Variants in SDCCAG8 observed in about 807,000 individuals in gnomAD.
SDCCAG8 encodes SHH signaling and ciliogenesis regulator SDCCAG8.
SDCCAG8 carries 74 observed loss-of-function variants against 101.8 expected under a neutral mutation model. That is an observed-to-expected ratio of 0.73 (90% CI 0.60 to 0.88). SDCCAG8 has a LOEUF of 0.88. Ranked by LOEUF, SDCCAG8 falls within the 40% of genes least tolerant of loss-of-function variation. SDCCAG8 has a pLI of 0.00. For missense variants in SDCCAG8, 787 were observed against 822.6 expected, an observed-to-expected ratio of 0.96 and a Z score of 0.53; for synonymous variants, 281 against 292.9, an observed-to-expected ratio of 0.96 and a Z score of 0.41.
intron 13 of SDCCAG8, among the ~76,000 whole-genome samples, chr1:243,382,462 A>G (rs2078018670): frequency 6.6e-6 from 1 of 152,250 alleles, no homozygotes; most frequent in African/African-American, 2.4e-5. Flanking sequence ...TAAAGATTAT[A>G]CATCTATAAA....
chr1:243,358,356 A>G (rs1276295201), intron 12 of SDCCAG8, among the ~76,000 whole-genome samples: 1 of 152,188 alleles, frequency 6.6e-6, no homozygotes, highest in Non-Finnish European at 1.5e-5. Context: ...ACATGTGAAA[A>G]GATGCTCAAC....
chr1:243,460,468 G>A (rs925228881), intron 16 of SDCCAG8, among the ~76,000 whole-genome samples: 6 of 152,140 alleles, frequency 3.9e-5, no homozygotes, highest in South Asian at 2.1e-4. Flanking sequence ...TGATCACCAC[G>A]CCAGTCATGT....
chr1:243,449,063 T>C (rs571523981), intron 16 of SDCCAG8, among the ~76,000 whole-genome samples: 1 of 152,336 alleles, frequency 6.6e-6, no homozygotes, highest in East Asian at 1.9e-4. Context: ...AAATCTATAG[T>C]TTTATTGTAT....
Position 243,473,476 on chromosome 1 carries a change from C to T in SDCCAG8, c.1986-15538C>T, listed in dbSNP as rs190078719. On this transcript the variant is annotated intron_variant, in intron 16 of 17. Coordinates refer to ENST00000366541, the MANE Select transcript of SDCCAG8 (RefSeq NM_006642.5). ...TTTTAATTCTGAGCTGCATGCCCAGCGCCACATGCACTGTCTGTTACATGT... is the reference window on the plus strand; with the variant it reads ...TTTTAATTCTGAGCTGCATGCCCAGTGCCACATGCACTGTCTGTTACATGT... Among the ~76,000 whole-genome samples the T allele has an allele frequency of 6.6e-5, 10 of 152,286 alleles. No homozygotes were observed. In the East Asian group the frequency reaches 1.5e-3, roughly 23 times the overall value.
chr1:243,376,243 C>A (rs1209519036), intron 12 of SDCCAG8, among the ~76,000 whole-genome samples: 1 of 152,142 alleles, frequency 6.6e-6, no homozygotes, highest in Non-Finnish European at 1.5e-5. Flanking sequence ...TTACTATGTG[C>A]TAGGCACTCT....
At chr1:243,467,298 G>A (rs933669600) in intron 16 of SDCCAG8, among the ~76,000 whole-genome samples, 1 of 152,222 alleles carries the variant, frequency 6.6e-6, no homozygotes, top group African/African-American at 2.4e-5. Flanking sequence ...GAAATCAGGA[G>A]TGTGGAAGCT....
intron 16 of SDCCAG8, among the ~76,000 whole-genome samples, chr1:243,432,208 A>T (rs952534289): frequency 1.3e-5 from 2 of 152,242 alleles, no homozygotes; most frequent in Admixed American, 1.3e-4. Context: ...CTCATAATTT[A>T]AAAACAAAAA....
At position 243,468,560 on chromosome 1, in the gene SDCCAG8, A is replaced by G. The variant is rs564058818; in HGVS notation, c.1986-20454A>G. Among the ~76,000 whole-genome samples, 761 of 152,306 alleles carry G rather than the reference A, an allele frequency of 5.0e-3. 6 individuals are homozygous for G. The highest frequency in any genetic ancestry group is 8.4e-3 in the Non-Finnish European group (568 of 68,020). On this transcript the variant is annotated intron_variant, in intron 16 of 17. Coordinates refer to ENST00000366541, the MANE Select transcript of SDCCAG8 (RefSeq NM_006642.5). The stretch of plus-strand genomic sequence containing the variant: ...AATGCGGCCAGGTGCAATGGCTCAT[A>G]CCTGTAAACTCGGTGCTTTGGGAGA...
intron 16 of SDCCAG8, among the ~76,000 whole-genome samples, chr1:243,459,779 A>AT (rs1658680661): frequency 6.6e-6 from 1 of 151,558 alleles, no homozygotes; most frequent in East Asian, 1.9e-4. Flanking sequence ...TGATATTTTT[A>AT]TTTTTTCTGG....
At chr1:243,272,776 C>T (rs971187956) in intron 3 of SDCCAG8, among the ~76,000 whole-genome samples, 14 of 152,128 alleles carry the variant, frequency 9.2e-5, no homozygotes, top group African/African-American at 3.4e-4. Context: ...AATTATAAAC[C>T]ATAATAGTAA....
intron 1 of SDCCAG8, among the ~76,000 whole-genome samples, chr1:243,258,477 T>C (rs1053863695): frequency 2.0e-5 from 3 of 152,216 alleles, no homozygotes; most frequent in Non-Finnish European, 4.4e-5. Context: ...CCATCTCGGC[T>C]CACTGCAGCC....
chr1:243,362,348 A>C (rs2076767843), intron 12 of SDCCAG8, among the ~76,000 whole-genome samples: 1 of 151,742 alleles, frequency 6.6e-6, no homozygotes, highest in Non-Finnish European at 1.5e-5. Flanking sequence ...GGGTCAAGAG[A>C]TGGCCAAGTG....
Position 243,330,542 on chromosome 1 carries a change from TTTAA to T in SDCCAG8, c.1073_1076del (p.Leu358SerfsTer6). On this transcript the variant is annotated frameshift_variant, in exon 10 of 18. Coordinates refer to ENST00000366541, the MANE Select transcript of SDCCAG8 (RefSeq NM_006642.5). LOFTEE classifies it high-confidence loss of function. Reference sequence around the variant, plus strand: ...TTCAATCTGTTCTATCCTGGCAGGCTTTAATCCAGTGTGACCAGTTGAGGAAGGA... The same window carrying T: ...TTCAATCTGTTCTATCCTGGCAGGCTTCCAGTGTGACCAGTTGAGGAAGGA... 3 of 1,614,124 alleles carry T rather than the reference TTTAA, an allele frequency of 1.9e-6. No homozygotes were observed. Among genetic ancestry groups the T allele is most frequent in the Non-Finnish European group, 2.5e-6 (3 of 1,179,986 alleles).
At chr1:243,265,146 A>C (rs1275825578) in intron 1 of SDCCAG8, among the ~76,000 whole-genome samples, 1 of 152,244 alleles carries the variant, frequency 6.6e-6, no homozygotes, top group African/African-American at 2.4e-5. Flanking sequence ...TCTTCTTCAC[A>C]TTAACTGTGT....
At chr1:243,361,848 A>T (rs1345210871) in intron 12 of SDCCAG8, among the ~76,000 whole-genome samples, 1 of 152,138 alleles carries the variant, frequency 6.6e-6, no homozygotes, top group Non-Finnish European at 1.5e-5. Context: ...TTATTATTTT[A>T]TTGTTCATTT....
chr1:243,261,379 G>GTT (rs1290554385), intron 1 of SDCCAG8, among the ~76,000 whole-genome samples: 5 of 152,208 alleles, frequency 3.3e-5, no homozygotes, highest in Non-Finnish European at 7.3e-5. Flanking sequence ...AGAGTAAGGA[G>GTT]TTGAACCAGG....
intron 17 of SDCCAG8, 56 bp downstream of exon 17, chr1:243,489,196 A>T: frequency 3.1e-6 from 5 of 1,596,238 alleles, no homozygotes; most frequent in Non-Finnish European, 4.3e-6. Context: ...CTACAGGTGG[A>T]TCTTTTATGC....
chr1:243,450,984 C>T (rs1442808476), intron 16 of SDCCAG8, among the ~76,000 whole-genome samples: 2 of 152,206 alleles, frequency 1.3e-5, no homozygotes, highest in Non-Finnish European at 2.9e-5. Context: ...GCTAAAATCA[C>T]TTGTTGAAAA....
At chr1:243,488,929 G>A in intron 16 of SDCCAG8, 85 bp from the exon 17 acceptor site, 1 of 1,603,108 alleles carries the variant, frequency 6.2e-7, no homozygotes, top group Non-Finnish European at 8.5e-7. Context: ...CCCTATCAGG[G>A]GCTTCCCTCA....
Sources: allele counts gnomAD v4.1 joint callset (sites outside exome capture counted in the v4.1 genomes callset), GRCh38; gene constraint gnomAD v4.1.1; transcripts MANE v1.5; gene names NCBI Gene and HGNC (gene_info 2026-07-23, HGNC 2026-07-21).